PHF20: variants seen among roughly 807,000 people sequenced by gnomAD.
PHF20 encodes glioma-expressed antigen 2.
PHF20 carries 23 observed loss-of-function variants against 113.5 expected under a neutral mutation model. The ratio of observed to expected loss-of-function variants is 0.20; its 90% CI spans 0.15 to 0.29. The LOEUF (loss-of-function observed/expected upper bound fraction) is 0.29. PHF20 is among the 10% of genes least tolerant of loss of function. The pLI, the probability that PHF20 is intolerant of heterozygous loss-of-function variation, is 1.00. For missense variants in PHF20, 943 were observed against 1,219.6 expected, an observed-to-expected ratio of 0.77 and a Z score of 3.38; for synonymous variants, 434 against 457.3, an observed-to-expected ratio of 0.95 and a Z score of 0.65.
At chr20:35,772,729 C>T (rs773064797) in intron 1 of PHF20, among the ~76,000 whole-genome samples, 10 of 151,962 alleles carry the variant, frequency 6.6e-5, no homozygotes, top group Admixed American at 1.3e-4. Context: ...TTTCGGGCCT[C>T]CAATTTGATT....
chr20:35,847,321 GA>G, intron 3 of PHF20, 28 bp from the exon 4 acceptor site: 1 of 1,319,708 alleles, frequency 7.6e-7, no homozygotes, highest in Non-Finnish European at 1.1e-6. Flanking sequence ...TTGGTAACAG[GA>G]TCTTTTTTTT....
intron 4 of PHF20, among the ~76,000 whole-genome samples, chr20:35,853,014 G>A (rs1197475759): frequency 6.7e-6 from 1 of 149,688 alleles, no homozygotes; most frequent in Non-Finnish European, 1.5e-5. Flanking sequence ...CCTGAGGTCA[G>A]GAGTTCAAGA....
intron 13 of PHF20, among the ~76,000 whole-genome samples, chr20:35,920,395 T>C (rs2055489757): frequency 6.6e-6 from 1 of 152,220 alleles, no homozygotes; most frequent in Non-Finnish European, 1.5e-5. Flanking sequence ...TCTATGGAGC[T>C]AAGGTAACTG....
At chr20:35,924,318 C>T (rs1346353546) in intron 13 of PHF20, among the ~76,000 whole-genome samples, 1 of 151,500 alleles carries the variant, frequency 6.6e-6, no homozygotes, top group Non-Finnish European at 1.5e-5. Flanking sequence ...CCTCAGCCTC[C>T]CGAGTAGCTG....
intron 2 of PHF20, among the ~76,000 whole-genome samples, chr20:35,833,457 G>T (rs1286811906): frequency 6.6e-6 from 1 of 152,138 alleles, no homozygotes; most frequent in African/African-American, 2.4e-5. Flanking sequence ...TTCCCATACT[G>T]GGGTATGTTT....
In PHF20 at chr20:35,917,285, T is replaced by C. The variant is rs1484233067; in HGVS notation, c.1826-199T>C. 5 of 679,712 alleles carry C rather than the reference T, an allele frequency of 7.4e-6. No homozygotes were observed. In the East Asian group the frequency reaches 1.5e-4, roughly 20 times the overall value. 42.1% of individuals were successfully genotyped at this position (679,712 alleles called of 1,614,324 possible). On this transcript the variant is annotated intron_variant, in intron 12 of 17. Coordinates refer to ENST00000374012, the MANE Select transcript of PHF20 (RefSeq NM_016436.5). The stretch of plus-strand genomic sequence containing the variant: ...GTGAAATGAGGAAGTGGAGTTGAGT[T>C]CACTGCCAGGCAGCATGCTTCGTTT...
intron 17 of PHF20, 113 bp from the exon 18 acceptor site, chr20:35,947,372 C>T: frequency 2.7e-6 from 3 of 1,108,466 alleles, no homozygotes; most frequent in Non-Finnish European, 3.9e-6. Context: ...CTGAAATGGC[C>T]CTTCCTCCCT....
chr20:35,801,083 G>A (rs1254257212), intron 1 of PHF20, among the ~76,000 whole-genome samples: 4 of 152,106 alleles, frequency 2.6e-5, no homozygotes, highest in East Asian at 1.9e-4. Context: ...GTGTTTCCCC[G>A]GTAGACTGAA....
chr20:35,793,995 C>CAAAAAAAAAAAAAA lies in PHF20; in HGVS notation c.-32-7487_-32-7474dup, dbSNP rs56189104. 8.9e-4 allele frequency among the ~76,000 whole-genome samples: 30 copies of CAAAAAAAAAAAAAA among 33,836 alleles called. 2 individuals carry two copies. The highest frequency in any genetic ancestry group is 3.1e-3 in the East Asian group (4 of 1,304). The allele number at this position is 33,836 out of a possible 152,430, so 22.2% of individuals were successfully genotyped here. A position where few individuals can be genotyped will look rare whatever the true frequency, so the allele number is the denominator to read the frequency against. Reference sequence around the variant, plus strand: ...GGGCGACAAGAGCGGGACTCTGTCTCAAAAAAAAAAAAAAAAAAAAAAGGC... The same window carrying CAAAAAAAAAAAAAA: ...GGGCGACAAGAGCGGGACTCTGTCTCAAAAAAAAAAAAAAAAAAAAAAAAAAAAAAAAAAAAGGC... On this transcript the variant is annotated intron_variant, in intron 1 of 17. Transcript: ENST00000374012.
chr20:35,840,144 G>T (rs1001313804), intron 2 of PHF20, among the ~76,000 whole-genome samples: 1 of 152,160 alleles, frequency 6.6e-6, no homozygotes, highest in Non-Finnish European at 1.5e-5. Flanking sequence ...TACAAACCAG[G>T]TTGCAGGGAG....
intron 2 of PHF20, among the ~76,000 whole-genome samples, chr20:35,804,551 T>TAGTAGAGA (rs1267378305): frequency 6.6e-6 from 1 of 152,138 alleles, no homozygotes; most frequent in Non-Finnish European, 1.5e-5. Context: ...TATGTACTTT[T>TAGTAGAGA]AGTAGAGATG....
At chr20:35,796,273 T>C (rs1027871811) in intron 1 of PHF20, among the ~76,000 whole-genome samples, 7 of 152,236 alleles carry the variant, frequency 4.6e-5, no homozygotes, top group Non-Finnish European at 1.0e-4. Context: ...ATTTAATTTA[T>C]TACATATTTG....
intron 3 of PHF20, among the ~76,000 whole-genome samples, chr20:35,845,980 TG>T (rs1358429124): frequency 3.9e-5 from 6 of 152,034 alleles, no homozygotes; most frequent in Non-Finnish European, 2.9e-5. Flanking sequence ...TTCATCATGT[TG>T]GCCAGACTCC....
chr20:35,885,174 A>T (rs951438399), intron 9 of PHF20, among the ~76,000 whole-genome samples: 1 of 152,172 alleles, frequency 6.6e-6, no homozygotes, highest in East Asian at 1.9e-4. Flanking sequence ...ATTGTTTGAA[A>T]ATAAATTGCA....
intron 2 of PHF20, among the ~76,000 whole-genome samples, chr20:35,840,084 A>AG (rs2042513860): frequency 6.6e-6 from 1 of 152,174 alleles, no homozygotes; most frequent in African/African-American, 2.4e-5. Context: ...GCATGTGTTT[A>AG]TTAGGACAGC....
rs557372305 is a variant in PHF20 at position 35,928,302 on chromosome 20, G to A, written c.2104+423G>A. Among the ~76,000 whole-genome samples, 9 of 152,078 alleles carry A rather than the reference G, an allele frequency of 5.9e-5. No homozygotes were observed. The South Asian group carries it at 1.9e-3, about 32-fold the overall frequency. ...AAAAATACAAAAATTAGCTGGGCAT[G>A]GTGACAGGCGCCTGTAACCCCAGCT... On this transcript the variant is annotated intron_variant, in intron 14 of 17. Transcript: ENST00000374012.
intron 1 of PHF20, among the ~76,000 whole-genome samples, chr20:35,790,789 T>A (rs1305330223): frequency 6.6e-6 from 1 of 152,186 alleles, no homozygotes; most frequent in East Asian, 1.9e-4. Context: ...AACTCACTAA[T>A]GGCCCAAATG....
chr20:35,897,871 T>C (rs888135203), intron 9 of PHF20, among the ~76,000 whole-genome samples: 3 of 150,906 alleles, frequency 2.0e-5, no homozygotes, highest in Non-Finnish European at 4.4e-5. Context: ...CCGGTGTTTT[T>C]TTTTTGTTTT....
intron 2 of PHF20, among the ~76,000 whole-genome samples, chr20:35,818,611 C>T (rs1568606909): frequency 6.6e-6 from 1 of 152,084 alleles, no homozygotes; most frequent in Non-Finnish European, 1.5e-5. Flanking sequence ...GTGATCATAA[C>T]TGTAGCCTGG....
Sources: allele counts gnomAD v4.1 joint callset (sites outside exome capture counted in the v4.1 genomes callset), GRCh38; gene constraint gnomAD v4.1.1; transcripts MANE v1.5; gene names NCBI Gene and HGNC (gene_info 2026-07-23, HGNC 2026-07-21).